Variants in PLCB4 observed in about 807,000 individuals in gnomAD.
PLCB4 encodes 1-phosphatidylinositol 4,5-bisphosphate phosphodiesterase beta-4.
A neutral mutation model predicts 178.8 loss-of-function variants in PLCB4; 77 were observed. The ratio of observed to expected loss-of-function variants is 0.43; its 90% CI spans 0.36 to 0.52. PLCB4 has a LOEUF of 0.52. PLCB4 is among the 20% of genes least tolerant of loss of function. PLCB4 has a pLI of 0.00. For synonymous variants in PLCB4, 496 were observed against 490.8 expected, an observed-to-expected ratio of 1.01 and a Z score of -0.14; for missense variants, 1,024 against 1,453.4, an observed-to-expected ratio of 0.70 and a Z score of 4.80.
chr20:9,365,507 G>C lies in PLCB4; in HGVS notation c.496G>C (p.Val166Leu). Residue 166 changes from valine to leucine, a missense_variant, in exon 9 of 40, where the codon GTT (valine) becomes CTT (leucine). Val to Leu is a conservative substitution (Grantham distance 32). Coordinates refer to ENST00000378473, the MANE Select transcript of PLCB4 (RefSeq NM_001377142.1). ...GACCAACACAAATGGTAAAATTCCA[G>C]TTAGGAGGTAAGTAATCATTCCTAT... ...FMTNTNGKIPVRSITRTFASG... is the reference protein window; with the variant it reads ...FMTNTNGKIPLRSITRTFASG... 6.2e-7 allele frequency: 1 copy of C among 1,601,578 alleles called. No individual in the cohort carries two copies. Among genetic ancestry groups the C allele is most frequent in the Non-Finnish European group, 8.6e-7 (1 of 1,169,120 alleles).
intron 2 of PLCB4, 98 bp from the exon 3 acceptor site, chr20:9,217,292 T>A (rs1309978081): frequency 1.3e-5 from 2 of 152,214 alleles, no homozygotes; most frequent in Admixed American, 1.3e-4. Flanking sequence ...TTTTTAAATT[T>A]ACATTAGATT....
chr20:9,295,308 A>G (rs1251500789), intron 3 of PLCB4, among the ~76,000 whole-genome samples: 1 of 152,188 alleles, frequency 6.6e-6, no homozygotes, highest in East Asian at 1.9e-4. Context: ...GCGGTAAAGT[A>G]TAGACATCCA....
At chr20:9,400,782 G>A (rs1183692412) in intron 19 of PLCB4, among the ~76,000 whole-genome samples, 1 of 152,084 alleles carries the variant, frequency 6.6e-6, no homozygotes, top group African/African-American at 2.4e-5. Context: ...ATCCTGGGTG[G>A]ATTCTGGCAT....
Position 9,337,999 on chromosome 20 carries a change from T to C in PLCB4, c.166-9T>C, listed in dbSNP as rs1474397721. On this transcript the variant is annotated splice_polypyrimidine_tract_variant and intron_variant, in intron 5 of 39. Transcript: ENST00000378473. ...AAGCTCATTGCTGTGTTGTATTCTC[T>C]CTCTTCAGGAAGGACAGGTGCTAGA... 4 of 1,608,296 alleles carry C rather than the reference T, an allele frequency of 2.5e-6. No individual in the cohort carries two copies. The highest frequency in any genetic ancestry group is 4.5e-5 in the East Asian group (2 of 44,812).
chr20:9,101,097 A>G (rs779953953), intron 2 of PLCB4, among the ~76,000 whole-genome samples: 8 of 152,174 alleles, frequency 5.3e-5, no homozygotes, highest in Non-Finnish European at 8.8e-5. Context: ...CCTGCTGTCC[A>G]TCATCACTTA....
intron 3 of PLCB4, among the ~76,000 whole-genome samples, chr20:9,262,364 TAA>T (rs1397434559): frequency 6.6e-6 from 1 of 152,092 alleles, no homozygotes; most frequent in African/African-American, 2.4e-5. Context: ...GCGGAATTTA[TAA>T]AGAGCATAGC....
chr20:9,406,386 A>G (rs935644376), intron 21 of PLCB4, among the ~76,000 whole-genome samples: 2 of 152,148 alleles, frequency 1.3e-5, no homozygotes, highest in Admixed American at 6.5e-5. Context: ...AACAAAACCA[A>G]ATTACATTAC....
chr20:9,118,912 C>T (rs1179194316), intron 2 of PLCB4, among the ~76,000 whole-genome samples: 3 of 152,136 alleles, frequency 2.0e-5, no homozygotes, highest in African/African-American at 7.2e-5. Flanking sequence ...TATTAAGGCT[C>T]TCATGTGCTC....
chr20:9,126,042 AAGTAAAGACAGTAATGGGATT>A (rs920210037), intron 2 of PLCB4, among the ~76,000 whole-genome samples: 2 of 152,102 alleles, frequency 1.3e-5, no homozygotes, highest in Non-Finnish European at 2.9e-5. Flanking sequence ...GTGTGTGTAA[AAGTAAAGACAGTAATGGGATT>A]GTACTATCCA....
At chr20:9,134,659 A>G (rs1043991050) in intron 2 of PLCB4, among the ~76,000 whole-genome samples, 3 of 152,112 alleles carry the variant, frequency 2.0e-5, no homozygotes, top group African/African-American at 7.2e-5. Context: ...CCTAAGAGAA[A>G]AAGTAGGAGC....
At chr20:9,421,200 C>T (rs1475146604) in intron 26 of PLCB4, 97 bp from the exon 27 acceptor site, 1 of 894,514 alleles carries the variant, frequency 1.1e-6, no homozygotes, top group African/African-American at 1.7e-5. Context: ...ATTCCTGCTC[C>T]CACCCAAAAG....
chr20:9,126,089 G>T (rs970541372), intron 2 of PLCB4, among the ~76,000 whole-genome samples: 4 of 151,970 alleles, frequency 2.6e-5, no homozygotes, highest in African/African-American at 9.7e-5. Flanking sequence ...TTTATAACTT[G>T]CATTTTTAAA....
intron 2 of PLCB4, among the ~76,000 whole-genome samples, chr20:9,131,517 A>G (rs2092272561): frequency 6.6e-6 from 1 of 152,170 alleles, no homozygotes; most frequent in Non-Finnish European, 1.5e-5. Flanking sequence ...TCTGTATCAG[A>G]GTGCTTCTGT....
At chr20:9,259,820 A>G (rs2094278994) in intron 3 of PLCB4, among the ~76,000 whole-genome samples, 1 of 152,146 alleles carries the variant, frequency 6.6e-6, no homozygotes, top group South Asian at 2.1e-4. Context: ...AAAAGAATGT[A>G]GAATACTTCA....
At chr20:9,427,628 C>A (rs2041115036) in intron 28 of PLCB4, among the ~76,000 whole-genome samples, 1 of 152,210 alleles carries the variant, frequency 6.6e-6, no homozygotes, top group Non-Finnish European at 1.5e-5. Flanking sequence ...ATGGCATTTG[C>A]CCATTGCAAG....
chr20:9,441,500 A>G (rs2042100488), intron 30 of PLCB4, among the ~76,000 whole-genome samples: 1 of 152,184 alleles, frequency 6.6e-6, no homozygotes, highest in Admixed American at 6.5e-5. Context: ...GGCAGTGGAC[A>G]TGGATAGAGA....
chr20:9,212,577 G>T (rs1451937019), intron 2 of PLCB4, among the ~76,000 whole-genome samples: 3 of 152,128 alleles, frequency 2.0e-5, no homozygotes. Flanking sequence ...AAAACACTGT[G>T]GCATGATTAG....
chr20:9,374,443 T>C (rs1307125317), intron 12 of PLCB4, among the ~76,000 whole-genome samples: 2 of 152,166 alleles, frequency 1.3e-5, no homozygotes, highest in Admixed American at 1.3e-4. Flanking sequence ...TCTTCTGCCT[T>C]TTGTTTTTTG....
intron 3 of PLCB4, among the ~76,000 whole-genome samples, chr20:9,227,073 C>T (rs536814868): frequency 2.6e-5 from 4 of 151,788 alleles, no homozygotes; most frequent in South Asian, 2.1e-4. Context: ...TGCTATTGTT[C>T]ACCTTTTCAC....
Sources: gnomAD v4.1 joint callset for allele counts (sites outside exome capture counted in the v4.1 genomes callset) on GRCh38, gnomAD v4.1.1 for gene constraint, MANE v1.5 for transcripts, NCBI Gene and HGNC (gene_info 2026-07-23, HGNC 2026-07-21) for gene names.